Variants in AGO2 observed in about 807,000 individuals in gnomAD.
AGO2 encodes the protein argonaute RISC catalytic component 2.
AGO2 carries 5 observed loss-of-function variants against 102.3 expected under a neutral mutation model. The observed-to-expected ratio is 0.05, with a 90% CI of 0.03 to 0.10. AGO2 has a LOEUF of 0.10. AGO2 is among the 10% of genes least tolerant of loss of function. AGO2 has a pLI of 1.00. For synonymous variants in AGO2, 449 were observed against 473.1 expected (o/e 0.95, Z 0.66); for missense variants, 541 against 1,183.7 (o/e 0.46, Z 7.97).
chr8:140,565,769 A>T (rs1190915346), intron 3 of AGO2, among the ~76,000 whole-genome samples: 1 of 152,152 alleles, frequency 6.6e-6, no homozygotes, highest in Non-Finnish European at 1.5e-5. Flanking sequence ...GTAGTAGTTT[A>T]CGTTTTGGGG....
chr8:140,595,453 T>C (rs891059750), intron 1 of AGO2, among the ~76,000 whole-genome samples: 1 of 151,524 alleles, frequency 6.6e-6, no homozygotes, highest in Non-Finnish European at 1.5e-5. Flanking sequence ...ATTCGTTTTA[T>C]ATCTTATTTT....
In AGO2 at chr8:140,539,351, G is replaced by A. The variant is rs757531672; in HGVS notation, c.2138C>T (p.Thr713Ile). Residue 713 changes from threonine to isoleucine, a missense_variant, in exon 16 of 19, where the codon ACC (threonine) becomes ATC (isoleucine). By Grantham distance (89) the Thr-to-Ile change is moderately conservative. This residue lies in a region of AGO2 where 309 missense variants were observed against 735.1 expected (regional missense o/e 0.42). Coordinates refer to ENST00000220592, the MANE Select transcript of AGO2 (RefSeq NM_012154.5). The surrounding 1 kb of genome is among the most constrained non-coding windows in gnomAD (Gnocchi z 4.7). The stretch of plus-strand genomic sequence containing the variant: ...GTTCTTGTCAGTGCAGAAGAGCCGG[G>A]TGTGGTGCCTCTTCTGCACCACGAT... ...TFIVVQKRHH[T>I]RLFCTDKNER... 2 of 1,613,710 alleles carry A rather than the reference G, an allele frequency of 1.2e-6. No homozygotes were observed. The highest frequency in any genetic ancestry group is 1.1e-5 in the South Asian group (1 of 91,042).
At chr8:140,639,353 C>T (rs574451345), upstream of AGO2, among the ~76,000 whole-genome samples, 31 of 152,196 alleles carry the variant, frequency 2.0e-4, no homozygotes, top group Admixed American at 3.3e-4. Flanking sequence ...TGGTGGCACG[C>T]GCCTGTAGTC....
At chr8:140,624,453 C>A (rs964431677) in intron 1 of AGO2, among the ~76,000 whole-genome samples, 3 of 152,248 alleles carry the variant, frequency 2.0e-5, no homozygotes, top group Admixed American at 6.5e-5. Flanking sequence ...AGCCTGCATC[C>A]AAACACCCCT....
chr8:140,538,925 A>G (rs1588437611), intron 16 of AGO2, among the ~76,000 whole-genome samples: 1 of 151,776 alleles, frequency 6.6e-6, no homozygotes, highest in Admixed American at 6.6e-5. Context: ...AAATAGTGAG[A>G]CCCTGTCTCT....
chr8:140,555,436 C>T (rs1242379860), intron 10 of AGO2: 2 of 160,094 alleles, frequency 1.2e-5, no homozygotes, highest in Non-Finnish European at 2.7e-5. Context: ...CTGCAGTGAC[C>T]TATAGTCAGG....
chr8:140,562,179 G>A (rs1410186802), intron 4 of AGO2, among the ~76,000 whole-genome samples: 1 of 152,246 alleles, frequency 6.6e-6, no homozygotes, highest in Non-Finnish European at 1.5e-5. Context: ...AGTGCTGGGT[G>A]CAGAGGGCTG....
Position 140,565,951 on chromosome 8 carries a change from C to T in AGO2, c.337-3317G>A, listed in dbSNP as rs530253146. Among the ~76,000 whole-genome samples the T allele has an allele frequency of 2.6e-4, 40 of 151,764 alleles. No individual in the cohort carries two copies. The South Asian group carries it at 7.9e-3, about 30-fold the overall frequency. ...ACTCAGGAGGCTGAGATAGGAGGATCGCTTGAGCCCAGGGAAGTCAAGGCT... is the reference window on the plus strand; with the variant it reads ...ACTCAGGAGGCTGAGATAGGAGGATTGCTTGAGCCCAGGGAAGTCAAGGCT... On this transcript the variant is annotated intron_variant, in intron 3 of 18. Transcript: ENST00000220592.
intron 10 of AGO2, among the ~76,000 whole-genome samples, chr8:140,554,385 C>T (rs150795211): frequency 2.0e-5 from 3 of 152,116 alleles, no homozygotes; most frequent in Admixed American, 1.3e-4. Flanking sequence ...GACCCCCCCA[C>T]GTGATGGGGT....
upstream of AGO2, chr8:140,637,771 C>G (rs1346669422): frequency 6.5e-6 from 1 of 152,678 alleles, no homozygotes; most frequent in African/African-American, 2.4e-5. Flanking sequence ...CTTCTGGTGT[C>G]CCTCACTCAG....
chr8:140,632,495 G>C (rs1367278582), intron 1 of AGO2, among the ~76,000 whole-genome samples: 2 of 152,246 alleles, frequency 1.3e-5, no homozygotes, highest in Non-Finnish European at 2.9e-5. Flanking sequence ...TTAGACAACT[G>C]TCAAGTCTTA....
At chr8:140,576,249 G>C (rs1009635417) in intron 2 of AGO2, among the ~76,000 whole-genome samples, 1 of 152,182 alleles carries the variant, frequency 6.6e-6, no homozygotes, top group African/African-American at 2.4e-5. Context: ...AGGAGGCAGA[G>C]GTTGCAGTGA....
chr8:140,553,381 C>T (rs928172660), intron 10 of AGO2, among the ~76,000 whole-genome samples: 9 of 151,808 alleles, frequency 5.9e-5, no homozygotes, highest in Middle Eastern at 3.5e-3. Flanking sequence ...AACACTCTGC[C>T]TCAAACAAGT....
At chr8:140,632,172 G>T (rs907037789) in intron 1 of AGO2, among the ~76,000 whole-genome samples, 1 of 152,366 alleles carries the variant, frequency 6.6e-6, no homozygotes, top group East Asian at 1.9e-4. Context: ...TCTTCAAATT[G>T]CACAGGGTTT....
intron 2 of AGO2, among the ~76,000 whole-genome samples, chr8:140,582,350 TTA>T (rs1473241478): frequency 2.8e-4 from 42 of 152,284 alleles, no homozygotes; most frequent in African/African-American, 1.0e-3. Context: ...ATCTGAAACT[TTA>T]TGAGCACCAA....
At chr8:140,585,340 C>CG (rs1481430358) in intron 1 of AGO2, 29 bp from the exon 2 acceptor site, 1 of 1,607,722 alleles carries the variant, frequency 6.2e-7, no homozygotes, top group Non-Finnish European at 8.5e-7. Context: ...CACCCATTAA[C>CG]GGGGGAGCAG....
In AGO2 at chr8:140,523,060, T is replaced by C. The variant is rs1564063854; in HGVS notation, c.*8984A>G. ...AATTCATGTAGCAAATGGAAAATCA[T>C]ACAGAGAGGCCAATGTATATAAATA... On this transcript the variant is annotated 3_prime_UTR_variant, in exon 19 of 19. Transcript: ENST00000220592. 6.6e-6 allele frequency: 1 copy of C among 152,212 alleles called. No homozygotes were observed. The allele number at this position is 152,212 out of a possible 1,614,324, so 9.4% of individuals were successfully genotyped here.
At position 140,541,206 on chromosome 8, in the gene AGO2, G is replaced by A. The variant is rs1474724502; in HGVS notation, c.1992C>T (p.Ile664=). Residue 664 remains isoleucine, a synonymous_variant, in exon 15 of 19, where the codon ATC becomes ATT. Transcript: ENST00000220592. ...CAGAGACACCGTCGCGGTAGAAGAT[G>A]ATGCGGGTGGGCTTGAAGCGCGTGG... ...YKSTRFKPTR[I]IFYRDGVSEG... 1.3e-6 allele frequency: 2 copies of A among 1,595,618 alleles called. No homozygotes were observed. The highest frequency in any genetic ancestry group is 1.7e-6 in the Non-Finnish European group (2 of 1,171,452).
chr8:140,638,387 G>A (rs779604304), upstream of AGO2: 5 of 152,260 alleles, frequency 3.3e-5, no homozygotes, highest in Non-Finnish European at 5.9e-5. Context: ...CCTTCTCAGA[G>A]CCTGTAGCAA....
Sources: allele counts gnomAD v4.1 joint callset (sites outside exome capture counted in the v4.1 genomes callset), GRCh38; gene constraint gnomAD v4.1.1; regional missense constraint gnomAD v4.1.1; non-coding constraint Gnocchi (gnomAD v3.1); transcripts MANE v1.5; gene names NCBI Gene and HGNC (gene_info 2026-07-23, HGNC 2026-07-21).